The following PKIB variants were observed in gnomAD, a reference collection of about 807,000 sequenced individuals.
PKIB encodes PKI-beta.
A neutral mutation model predicts 4.5 loss-of-function variants in PKIB; 2 were observed. That is an observed-to-expected ratio of 0.44 (90% CI 0.18 to 1.39). PKIB has a LOEUF of 1.39. Among genes scored for constraint, PKIB ranks in the 40% most tolerant of loss-of-function variants. PKIB has a pLI of 0.27. For synonymous variants in PKIB, 38 were observed against 36.0 expected (o/e 1.06, Z -0.20); for missense variants, 94 against 92.6 (o/e 1.02, Z -0.06).
At chr6:122,699,907 C>G (rs552135787) in intron 3 of PKIB, among the ~76,000 whole-genome samples, 1 of 152,168 alleles carries the variant, frequency 6.6e-6, no homozygotes, top group Non-Finnish European at 1.5e-5. Flanking sequence ...TTTTATATGC[C>G]AGAACTCCCC....
intron 2 of PKIB, chr6:122,643,750 G>T (rs1776205326): frequency 6.6e-6 from 1 of 152,106 alleles, no homozygotes; most frequent in African/African-American, 2.4e-5. Context: ...AAGTGTAAAT[G>T]TATGGTTTTT....
chr6:122,725,367 T>A lies in PKIB; in HGVS notation c.*172T>A. ...CTACTCACTTTGATTGCAATGATGATGTCCAAGGTAAGCTATTAAAAGGCA... is the reference window on the plus strand; with the variant it reads ...CTACTCACTTTGATTGCAATGATGAAGTCCAAGGTAAGCTATTAAAAGGCA... On this transcript the variant is annotated 3_prime_UTR_variant, in exon 5 of 5. Coordinates refer to ENST00000368452, the MANE Select transcript of PKIB (RefSeq NM_181795.3). The A allele has an allele frequency of 1.7e-6, 1 of 589,238 alleles. No homozygotes were observed. Among genetic ancestry groups the A allele is most frequent in the Non-Finnish European group, 3.0e-6 (1 of 329,340 alleles). 36.5% of individuals were successfully genotyped at this position (589,238 alleles called of 1,614,324 possible).
At chr6:122,555,996 G>A (rs185484194) in intron 2 of PKIB, among the ~76,000 whole-genome samples, 297 of 152,236 alleles carry the variant, frequency 2.0e-3, no homozygotes, top group Admixed American at 7.1e-3. Flanking sequence ...AGGATGATAT[G>A]GTCTGGTTCT....
chr6:122,644,871 G>T lies in PKIB; in HGVS notation c.-76+11504G>T, dbSNP rs899023871. 2.0e-5 allele frequency: 3 copies of T among 152,116 alleles called. No homozygotes were observed. In the East Asian group the frequency reaches 5.8e-4, roughly 29 times the overall value. The allele number at this position is 152,116 out of a possible 1,614,324, so 9.4% of individuals were successfully genotyped here. On this transcript the variant is annotated intron_variant, in intron 2 of 4. Coordinates refer to ENST00000368452, the MANE Select transcript of PKIB (RefSeq NM_181795.3). ...TCAAGGCACATTTGCAGAAATAAAG[G>T]ACTGCTTTAAAAACTAGCAAAATAT...
At chr6:122,622,488 C>T (rs965977308) in intron 1 of PKIB, among the ~76,000 whole-genome samples, 31 of 152,140 alleles carry the variant, frequency 2.0e-4, no homozygotes, top group African/African-American at 6.0e-4. Context: ...GAGAACATTC[C>T]GAAAAGTGTG....
chr6:122,707,853 G>A (rs899027286), intron 3 of PKIB, among the ~76,000 whole-genome samples: 1 of 152,116 alleles, frequency 6.6e-6, no homozygotes, highest in Non-Finnish European at 1.5e-5. Context: ...AATTACAACA[G>A]CACTGTTACT....
intron 2 of PKIB, among the ~76,000 whole-genome samples, chr6:122,494,864 T>C (rs544877625): frequency 1.3e-5 from 2 of 152,326 alleles, no homozygotes; most frequent in East Asian, 3.9e-4. Flanking sequence ...ACTTCCTCCG[T>C]GAACCTTGCA....
intron 2 of PKIB, among the ~76,000 whole-genome samples, chr6:122,490,319 G>T (rs1038079081): frequency 6.6e-6 from 1 of 152,184 alleles, no homozygotes; most frequent in African/African-American, 2.4e-5. Flanking sequence ...GAAGTTTAGC[G>T]TGAGGATGTT....
At chr6:122,502,168 A>T (rs533548119) in intron 2 of PKIB, among the ~76,000 whole-genome samples, 2 of 152,000 alleles carry the variant, frequency 1.3e-5, no homozygotes, top group South Asian at 2.1e-4. Context: ...GTCCAAAAAA[A>T]ATTAACAAGT....
At chr6:122,543,431 G>A (rs1274369366) in intron 2 of PKIB, among the ~76,000 whole-genome samples, 2 of 150,072 alleles carry the variant, frequency 1.3e-5, no homozygotes, top group African/African-American at 2.5e-5. Context: ...GTAGACTGGA[G>A]TGCAATGGCA....
At chr6:122,609,446 A>G (rs1028134532), upstream of PKIB, among the ~76,000 whole-genome samples, 6 of 151,208 alleles carry the variant, frequency 4.0e-5, no homozygotes, top group African/African-American at 1.5e-4. Context: ...CACACACTGA[A>G]TAAAATATTA....
intron 1 of PKIB, among the ~76,000 whole-genome samples, chr6:122,628,675 A>G (rs1428015381): frequency 1.3e-5 from 2 of 152,106 alleles, no homozygotes; most frequent in Non-Finnish European, 2.9e-5. Flanking sequence ...TGGCTACATC[A>G]TACTTTATTG....
upstream of PKIB, among the ~76,000 whole-genome samples, chr6:122,608,430 C>T (rs1182375919): frequency 6.6e-6 from 1 of 152,202 alleles, no homozygotes; most frequent in African/African-American, 2.4e-5. Context: ...CTCAAAAACT[C>T]CTCCTTGCAC....
Position 122,544,632 on chromosome 6 carries a change from A to G in PKIB, c.-247-41289A>G, listed in dbSNP as rs541286531. ...GAACTTGGGTGGAGATTTCCCATAT[A>G]AAAAATTATCTGAATGGACTACCAG... On this transcript the variant is annotated intron_variant, in intron 2 of 6. Coordinates refer to the PKIB transcript ENST00000392491. 2.9e-3 allele frequency among the ~76,000 whole-genome samples: 437 copies of G among 152,144 alleles called. 5 individuals carry two copies. The highest frequency in any genetic ancestry group is 5.1e-3 in the Non-Finnish European group (344 of 68,024).
rs1202130600 is a variant in PKIB at position 122,726,202 on chromosome 6, A to G, written c.*1007A>G. 6.6e-6 allele frequency: 1 copy of G among 152,166 alleles called. No homozygotes were observed. The allele number at this position is 152,166 out of a possible 1,614,324, so 9.4% of individuals were successfully genotyped here. A position where few individuals can be genotyped will look rare whatever the true frequency, so the allele number is the denominator to read the frequency against. ...GTGTTAGTAAATTTTGATTTATTAG[A>G]TATTTTAGAAAAATAATAGAATTCT... is the stretch of plus-strand genomic sequence containing the variant. On this transcript the variant is annotated 3_prime_UTR_variant, in exon 5 of 5. Transcript: ENST00000368452.
intron 1 of PKIB, among the ~76,000 whole-genome samples, chr6:122,626,524 A>G (rs563816613): frequency 3.9e-4 from 60 of 152,328 alleles, no homozygotes; most frequent in Non-Finnish European, 7.2e-4. Flanking sequence ...ATTAATAACA[A>G]TCTGGAACAA....
At chr6:122,562,000 T>A (rs534732659) in intron 2 of PKIB, among the ~76,000 whole-genome samples, 1 of 131,720 alleles carries the variant, frequency 7.6e-6, no homozygotes, top group Non-Finnish European at 1.5e-5. Flanking sequence ...TTTTGTTTTT[T>A]TTTGTTTTTT....
intron 1 of PKIB, among the ~76,000 whole-genome samples, chr6:122,610,968 G>T (rs1052957259): frequency 1.3e-5 from 2 of 152,228 alleles, no homozygotes; most frequent in Admixed American, 6.5e-5. Context: ...GCAGAGACCC[G>T]AGTACTAACC....
rs147271741 is a variant in PKIB at position 122,699,253 on chromosome 6, T to TA, written c.-8-18524dup. On this transcript the variant is annotated intron_variant, in intron 3 of 4. Transcript: ENST00000368452. The stretch of plus-strand genomic sequence containing the variant: ...TACCCTAAAACTTAAAGTATAATAA[T>TA]AAAAAAAAAAGAATTGCATTTGTGA... Among the ~76,000 whole-genome samples, 133 of 132,904 alleles carry TA rather than the reference T, an allele frequency of 1.0e-3. 3 individuals are homozygous for TA. The South Asian group carries it at 0.02, about 20-fold the overall frequency. 87.2% of individuals were successfully genotyped at this position (132,904 alleles called of 152,430 possible).
Sources: allele counts gnomAD v4.1 joint callset (sites outside exome capture counted in the v4.1 genomes callset), GRCh38; gene constraint gnomAD v4.1.1; transcripts MANE v1.5; gene names NCBI Gene and HGNC (gene_info 2026-07-23, HGNC 2026-07-21).